LIMS4: variants seen among roughly 807,000 people sequenced by gnomAD.
LIMS4 encodes the protein LIM zinc finger domain containing 4.
chr2:110,425,483 C>A, the LIMS4 span, among the ~76,000 whole-genome samples: 1 of 138,980 alleles, frequency 7.2e-6, no homozygotes, highest in Non-Finnish European at 1.5e-5. Context: ...GAATTCAAAC[C>A]CTAATTTCTG....
chr2:110,425,672 C>T, the LIMS4 span, among the ~76,000 whole-genome samples: 24 of 142,330 alleles, frequency 1.7e-4, no homozygotes, highest in Middle Eastern at 3.4e-3. Context: ...AAAGACTCAG[C>T]GTGCCTGGAT....
the LIMS4 span, among the ~76,000 whole-genome samples, chr2:110,418,654 T>C: frequency 7.8e-5 from 9 of 115,370 alleles, no homozygotes; most frequent in Non-Finnish European, 1.2e-4. Context: ...TCCTTTCTTT[T>C]TTTTTTTTTT....
chr2:110,395,848 C>A, the LIMS4 span, among the ~76,000 whole-genome samples: 31 of 125,804 alleles, frequency 2.5e-4, 1 homozygote, highest in Non-Finnish European at 3.2e-4. Flanking sequence ...AGGGCCTGCA[C>A]CCTCCCACCG....
the LIMS4 span, chr2:110,360,615 G>A: frequency 4.5e-4 from 559 of 1,246,896 alleles, 7 homozygotes; most frequent in Admixed American, 1.1e-3. Flanking sequence ...GCTATTTCTC[G>A]TCTGAGCTCA....
chr2:110,410,483 CAAAAAAAAAAAAA>C, the LIMS4 span, among the ~76,000 whole-genome samples: 1 of 14,786 alleles, frequency 6.8e-5, no homozygotes, highest in Middle Eastern at 0.071. Context: ...GATTCCGTCT[CAAAAAAAAAAAAA>C]AAAAAAAAAA....
At chr2:110,367,840 A>G in the LIMS4 span, among the ~76,000 whole-genome samples, 5 of 139,918 alleles carry the variant, frequency 3.6e-5, no homozygotes, top group Admixed American at 3.5e-4. Flanking sequence ...TCAAAATCTC[A>G]TCACCACACT....
chr2:110,385,392 TGGGA>T, the LIMS4 span, among the ~76,000 whole-genome samples: 1 of 125,502 alleles, frequency 8.0e-6, no homozygotes, highest in Non-Finnish European at 1.6e-5. Context: ...TAGATGCAGG[TGGGA>T]GGAGGTCCCA....
the LIMS4 span, among the ~76,000 whole-genome samples, chr2:110,390,543 C>CA: frequency 7.0e-6 from 1 of 142,194 alleles, no homozygotes; most frequent in African/African-American, 2.8e-5. Context: ...GCTCTGGCCA[C>CA]CAGGGGGAGA....
At chr2:110,361,936 A>C in the LIMS4 span, 1 of 1,432,220 alleles carries the variant, frequency 7.0e-7, no homozygotes, top group Non-Finnish European at 9.8e-7. Flanking sequence ...ACTTCAGAGC[A>C]GCCACATCAG....
the LIMS4 span, among the ~76,000 whole-genome samples, chr2:110,407,687 C>T: frequency 7.6e-6 from 1 of 132,168 alleles, no homozygotes; most frequent in African/African-American, 2.9e-5. Flanking sequence ...GTGGGAGGAT[C>T]ACTTGAGCCC....
chr2:110,368,058 T>C, the LIMS4 span, among the ~76,000 whole-genome samples: 3 of 145,210 alleles, frequency 2.1e-5, no homozygotes, highest in South Asian at 2.2e-4. Context: ...ACATAATATA[T>C]ATAGTATAAA....
the LIMS4 span, among the ~76,000 whole-genome samples, chr2:110,366,944 GACACACACACACACAC>G: frequency 7.2e-5 from 9 of 125,670 alleles, no homozygotes; most frequent in Admixed American, 5.0e-4. Flanking sequence ...ATTCACAATA[GACACACACACACACAC>G]ACACACACAC....
At chr2:110,425,226 T>G in the LIMS4 span, among the ~76,000 whole-genome samples, 1 of 142,580 alleles carries the variant, frequency 7.0e-6, no homozygotes, top group South Asian at 2.2e-4. Context: ...ACCAGATCTC[T>G]TTAAAAAAAA....
At chr2:110,361,931 A>G in the LIMS4 span, 8 of 1,442,924 alleles carry the variant, frequency 5.5e-6, no homozygotes, top group Non-Finnish European at 7.7e-6. Context: ...GCGAGACTTC[A>G]GAGCAGCCAC....
At chr2:110,442,637 TCATATATATA>T (rs1245803763), downstream of LIMS4, among the ~76,000 whole-genome samples, 2 of 146,394 alleles carry the variant, frequency 1.4e-5, no homozygotes, top group Non-Finnish European at 3.0e-5. Flanking sequence ...TGTATCCCAT[TCATATATATA>T]CATATATATA....
At chr2:110,396,043 G>A in the LIMS4 span, among the ~76,000 whole-genome samples, 1 of 136,704 alleles carries the variant, frequency 7.3e-6, no homozygotes, top group Non-Finnish European at 1.5e-5. Flanking sequence ...ATGGATGAGG[G>A]CGTAGCTAGA....
the LIMS4 span, among the ~76,000 whole-genome samples, chr2:110,418,615 A>G: frequency 4.9e-5 from 2 of 41,212 alleles, no homozygotes; most frequent in African/African-American, 1.5e-4. Context: ...AAATATAGCC[A>G]TTTTCCTAGT....
At chr2:110,362,017 G>A in the LIMS4 span, 12 of 1,243,122 alleles carry the variant, frequency 9.7e-6, no homozygotes, top group Admixed American at 4.1e-5. Flanking sequence ...TCTTGGTGAC[G>A]TGGGTCTGGA....
chr2:110,411,420 C>A, the LIMS4 span, among the ~76,000 whole-genome samples: 1 of 137,976 alleles, frequency 7.2e-6, no homozygotes, highest in African/African-American at 3.0e-5. Context: ...TTCCATTAAG[C>A]CTCAAAAAGA....
Sources: allele counts gnomAD v4.1 joint callset (sites outside exome capture counted in the v4.1 genomes callset), GRCh38; gene constraint gnomAD v4.1.1; transcripts MANE v1.5; gene names NCBI Gene and HGNC (gene_info 2026-07-23, HGNC 2026-07-21).